Variants in STOX1 observed in about 807,000 individuals in gnomAD.
STOX1 encodes the protein storkhead box 1.
STOX1 carries 57 observed loss-of-function variants against 74.8 expected under a neutral mutation model. The ratio of observed to expected loss-of-function variants is 0.76; its 90% confidence interval spans 0.62 to 0.95. The LOEUF (loss-of-function observed/expected upper bound fraction) is 0.95, where lower values mean the gene tolerates loss of function less well. Ranked by LOEUF, STOX1 falls within the 40% of genes least tolerant of loss-of-function variation. STOX1 has a pLI of 0.00. For missense variants in STOX1, 1,010 were observed against 1,117.0 expected, an observed-to-expected ratio of 0.90 and a Z score of 1.37; for synonymous variants, 375 against 401.3, an observed-to-expected ratio of 0.93 and a Z score of 0.78.
chr10:68,852,066 G>T lies in STOX1; in HGVS notation c.310+24133G>T, dbSNP rs183759357. 4.3e-4 allele frequency among the ~76,000 whole-genome samples: 65 copies of T among 152,014 alleles called. 1 individual carries two copies. The highest frequency in any genetic ancestry group is 1.5e-3 in the African/African-American group (62 of 41,476). Reference sequence around the variant, plus strand: ...GCAGAAACGCTTGAACCTGGGATGTGGAGGTTGCAGGGAGCCGAGATTGTG... The same window carrying T: ...GCAGAAACGCTTGAACCTGGGATGTTGAGGTTGCAGGGAGCCGAGATTGTG... On this transcript the variant is annotated intron_variant, in intron 1 of 3. Coordinates refer to ENST00000298596, the MANE Select transcript of STOX1 (RefSeq NM_152709.5).
intron 1 of STOX1, among the ~76,000 whole-genome samples, chr10:68,845,677 A>T (rs191121882): frequency 6.7e-6 from 1 of 148,432 alleles, no homozygotes; most frequent in African/African-American, 2.5e-5. Context: ...TCTTGGCTCA[A>T]TGCAACCTCC....
At chr10:68,833,336 G>A (rs1353907530) in intron 1 of STOX1, among the ~76,000 whole-genome samples, 1 of 152,030 alleles carries the variant, frequency 6.6e-6, no homozygotes, top group African/African-American at 2.4e-5. Context: ...TGATTCATCC[G>A]CCTCAGCCTC....
Position 68,884,949 on chromosome 10 carries a change from G to A in STOX1, c.1153G>A (p.Glu385Lys), listed in dbSNP as rs200117499. The A allele has an allele frequency of 2.4e-3, 3,921 of 1,614,040 alleles. 89 individuals are homozygous for A. The South Asian group carries it at 0.038, about 16-fold the overall frequency. The stretch of plus-strand genomic sequence containing the variant: ...ACACACTGTCCTAATGCAAAAATAC[G>A]AAGAACAGAAAAAATATAATAGCCA... ...IKHTVLMQKY[E>K]EQKKYNSQGT... Residue 385 changes from glutamate to lysine, a missense_variant, in exon 3 of 4, where the codon GAA (glutamate) becomes AAA (lysine). By Grantham distance (56) the Glu-to-Lys change is moderately conservative. Transcript: ENST00000298596.
At chr10:68,855,145 T>C (rs1589224128) in intron 1 of STOX1, among the ~76,000 whole-genome samples, 1 of 148,136 alleles carries the variant, frequency 6.8e-6, no homozygotes, top group Non-Finnish European at 1.5e-5. Flanking sequence ...TTTTTTGAGA[T>C]AGTCTTGCTC....
At chr10:68,864,099 T>G (rs1023447870) in intron 1 of STOX1, among the ~76,000 whole-genome samples, 4 of 152,116 alleles carry the variant, frequency 2.6e-5, no homozygotes, top group Non-Finnish European at 5.9e-5. Flanking sequence ...AATTTTTTTG[T>G]ATTTTTAGTA....
In STOX1 at chr10:68,827,559, G is replaced by T. The variant is rs903150564; in HGVS notation, c.-65G>T. ...GTCGGCCGATCCTCCCGCCGAGCGA[G>T]CGGCGTCGTAGCCGCCGCGCTCGCC... On this transcript the variant is annotated 5_prime_UTR_variant, in exon 1 of 4. Coordinates refer to ENST00000298596, the MANE Select transcript of STOX1 (RefSeq NM_152709.5). 6.7e-6 allele frequency: 7 copies of T among 1,038,824 alleles called. No homozygotes were observed. Among genetic ancestry groups the T allele is most frequent in the African/African-American group, 1.7e-5 (1 of 58,470 alleles). 64.4% of individuals were successfully genotyped at this position (1,038,824 alleles called of 1,614,324 possible). A position where few individuals can be genotyped will look rare whatever the true frequency, so the allele number is the denominator to read the frequency against.
At chr10:68,889,938 T>TTGTG (rs554729021) in intron 3 of STOX1, among the ~76,000 whole-genome samples, 5 of 151,064 alleles carry the variant, frequency 3.3e-5, no homozygotes, top group East Asian at 1.9e-4. Context: ...CCCAGCTATT[T>TTGTG]TGTGTGTGTG....
intron 1 of STOX1, among the ~76,000 whole-genome samples, chr10:68,876,448 A>G (rs4746798): frequency 0.67 from 102,026 of 151,892 alleles, 34,489 homozygotes; most frequent in East Asian, 0.9. Flanking sequence ...GAGCCACCAC[A>G]CCTGGCCAAC....
intron 3 of STOX1, 126 bp from the exon 4 acceptor site, chr10:68,892,463 T>A: frequency 8.0e-6 from 7 of 875,282 alleles, no homozygotes; most frequent in Non-Finnish European, 1.8e-6. Context: ...GGTTAACTTA[T>A]TTGATAAGTG....
rs1484005087 is a variant in STOX1 at position 68,884,609 on chromosome 10, T to A, written c.813T>A (p.Gly271=). 1 of 1,613,754 alleles carries A rather than the reference T, an allele frequency of 6.2e-7. No individual in the cohort carries two copies. Among genetic ancestry groups the A allele is most frequent in the Non-Finnish European group, 8.5e-7 (1 of 1,179,998 alleles). The change falls in exon 3 of 4, where the codon GGT becomes GGA. Residue 271 remains glycine, a synonymous_variant. Transcript: ENST00000298596. ...AAGTGACTAGGAAGAGTCACAGAGG[T>A]CTTGGGGAATCCGTATCTTGGGTAC... The part of the protein sequence containing the change: ...AAEVTRKSHR[G]LGESVSWVQN...
At chr10:68,834,075 A>G (rs1369012439) in intron 1 of STOX1, among the ~76,000 whole-genome samples, 1 of 152,212 alleles carries the variant, frequency 6.6e-6, no homozygotes, top group Admixed American at 6.5e-5. Context: ...GTGCTTTGGG[A>G]GGTACTGAAG....
rs537220434 is a variant in STOX1, at chr10:68,836,408, G to A, written c.310+8475G>A. Among the ~76,000 whole-genome samples, 3 of 152,324 alleles carry A rather than the reference G, an allele frequency of 2.0e-5. No individual in the cohort carries two copies. The East Asian group carries it at 5.8e-4, about 29-fold the overall frequency. ...ATGGAGGAAGAAGAGAATGGGTCTG[G>A]ATTCTTGTTCACTAGACAAACCTGT... On this transcript the variant is annotated intron_variant, in intron 1 of 3. Transcript: ENST00000298596.
intron 1 of STOX1, among the ~76,000 whole-genome samples, chr10:68,855,420 CA>C (rs1307452223): frequency 1.3e-5 from 2 of 150,236 alleles, no homozygotes; most frequent in Non-Finnish European, 3.0e-5. Flanking sequence ...GGTGCCTGGC[CA>C]AAAAAATTTT....
At chr10:68,831,229 C>A (rs1216702905) in intron 1 of STOX1, among the ~76,000 whole-genome samples, 1 of 151,970 alleles carries the variant, frequency 6.6e-6, no homozygotes. Context: ...CCCTTGTTGC[C>A]CAGGCTGGAG....
At chr10:68,849,159 A>C (rs1044674433) in intron 1 of STOX1, among the ~76,000 whole-genome samples, 1 of 152,228 alleles carries the variant, frequency 6.6e-6, no homozygotes, top group Non-Finnish European at 1.5e-5. Context: ...CTTCTGAATT[A>C]GGACTACATT....
chr10:68,860,889 A>G (rs542979846), intron 1 of STOX1, among the ~76,000 whole-genome samples: 1 of 152,076 alleles, frequency 6.6e-6, no homozygotes, highest in African/African-American at 2.4e-5. Flanking sequence ...TGCCTGGTCA[A>G]ATAGGCTATG....
rs532111345 is a variant in STOX1, at chr10:68,861,576, G to A, written c.311-20382G>A. Among the ~76,000 whole-genome samples the A allele has an allele frequency of 1.6e-3, 250 of 152,116 alleles. No individual in the cohort carries two copies. In the South Asian group the frequency reaches 0.019, roughly 11 times the overall value. On this transcript the variant is annotated intron_variant, in intron 1 of 3. Coordinates refer to ENST00000298596, the MANE Select transcript of STOX1 (RefSeq NM_152709.5). ...CATGTCCCCCTTTTTGTTTTTGCACGGCAATAAAAACCAAGGCAGCTTTAT... is the reference window on the plus strand; with the variant it reads ...CATGTCCCCCTTTTTGTTTTTGCACAGCAATAAAAACCAAGGCAGCTTTAT...
At chr10:68,869,919 C>T (rs1173972845) in intron 1 of STOX1, among the ~76,000 whole-genome samples, 3 of 151,942 alleles carry the variant, frequency 2.0e-5, no homozygotes, top group Non-Finnish European at 2.9e-5. Context: ...TGTGTATGGG[C>T]AAGGGAACTG....
At chr10:68,868,805 T>C (rs1011638198) in intron 1 of STOX1, among the ~76,000 whole-genome samples, 11 of 152,230 alleles carry the variant, frequency 7.2e-5, no homozygotes, top group African/African-American at 2.7e-4. Flanking sequence ...ATATCTTAAT[T>C]TGGGAAGAAA....
Sources: gnomAD v4.1 joint callset for allele counts (sites outside exome capture counted in the v4.1 genomes callset) on GRCh38, gnomAD v4.1.1 for gene constraint, MANE v1.5 for transcripts, NCBI Gene and HGNC (gene_info 2026-07-23, HGNC 2026-07-21) for gene names.